OR2T8: variants seen among roughly 807,000 people sequenced by gnomAD.
OR2T8 encodes the protein olfactory receptor 2T8.
For missense variants in OR2T8, 161 were observed against 389.4 expected, an observed-to-expected ratio of 0.41 and a Z score of 4.94; for synonymous variants, 56 against 154.3, an observed-to-expected ratio of 0.36 and a Z score of 4.72.
rs919051457 is a variant in OR2T8, at chr1:247,922,751, T to C, written c.*795T>C. Among the ~76,000 whole-genome samples, 1 of 152,216 alleles carries C rather than the reference T, an allele frequency of 6.6e-6. No individual in the cohort carries two copies. The highest frequency in any genetic ancestry group is 1.5e-5 in the Non-Finnish European group (1 of 68,050). ...TATGTTAATCTCCTATTTGTAATCA[T>C]ATGTTTTTATTTTTCTTGGTAGGTG... is the stretch of plus-strand genomic sequence containing the variant. On this transcript the variant is annotated 3_prime_UTR_variant, in exon 2 of 2. Transcript: ENST00000641945.
In OR2T8 at chr1:247,921,829, TTG is replaced by T; in HGVS notation, c.816_817del (p.Ala274LeufsTer20). 1.2e-6 allele frequency: 2 copies of T among 1,612,522 alleles called. No homozygotes were observed. Among genetic ancestry groups the T allele is most frequent in the Non-Finnish European group, 1.7e-6 (2 of 1,179,560 alleles). On this transcript the variant is annotated frameshift_variant, in exon 2 of 2. Transcript: ENST00000641945. LOFTEE classifies it low-confidence loss of function (END_TRUNC). ...CACAGGTCCACTAACCACGACAAGG[TTG>T]TGTCAGCCTTCTATACTATGTTCAC...
chr1:247,920,943 T>C, intron 1 of OR2T8, 55 bp from the exon 2 acceptor site: 1 of 1,290,112 alleles, frequency 7.8e-7, no homozygotes, highest in Non-Finnish European at 1.1e-6. Flanking sequence ...ACTACGTAAC[T>C]CAAATGGAGT....
rs1158179396 is a variant in OR2T8, at chr1:247,922,846, A to AC, written c.*891dup. ...TCTTATACTGCCGCTGACAATGCAC[A>AC]CAAGTTCCTGTTGCTCCAAATGTCG... On this transcript the variant is annotated 3_prime_UTR_variant, in exon 2 of 2. Coordinates refer to ENST00000641945, the MANE Select transcript of OR2T8 (RefSeq NM_001005522.2). 2.6e-5 allele frequency among the ~76,000 whole-genome samples: 4 copies of AC among 152,212 alleles called. No individual in the cohort carries two copies. The highest frequency in any genetic ancestry group is 5.9e-5 in the Non-Finnish European group (4 of 68,024).
intron 1 of OR2T8, 140 bp from the exon 2 acceptor site, chr1:247,920,858 A>G: frequency 3.2e-6 from 2 of 621,122 alleles, no homozygotes; most frequent in Admixed American, 3.3e-5. Flanking sequence ...CACAAATTAG[A>G]ACATTTTGCA....
rs373532215 is a variant in OR2T8, at chr1:247,921,712, G to A, written c.695G>A (p.Arg232His). Reference protein sequence around the residue: ...AVLHMRSTEARKKAFATCSSH... With the variant: ...AVLHMRSTEAHKKAFATCSSH... ...CTGCACATGCGCTCTACAGAAGCCC[G>A]CAAGAAGGCCTTTGCCACCTGCTCT... The change falls in exon 2 of 2, where the codon CGC becomes CAC. Residue 232 changes from arginine (R) to histidine (H), a missense_variant. Arg to His is a conservative substitution (Grantham distance 29). Coordinates refer to ENST00000641945, the MANE Select transcript of OR2T8 (RefSeq NM_001005522.2). 3.2e-5 allele frequency: 51 copies of A among 1,573,162 alleles called. No homozygotes were observed. In the East Asian group the frequency reaches 7.0e-4, roughly 21 times the overall value.
In OR2T8 at chr1:247,923,135, G is replaced by A. The variant is rs78959848; in HGVS notation, c.*1179G>A. On this transcript the variant is annotated 3_prime_UTR_variant, in exon 2 of 2. Transcript: ENST00000641945. ...AATTTTGGAAATAAAATCATATATT[G>A]GGTTATTTTTTATTATATTTCCTGA... Among the ~76,000 whole-genome samples, 10,767 of 152,128 alleles carry A rather than the reference G, an allele frequency of 0.071. 1,208 individuals are homozygous for A. The highest frequency in any genetic ancestry group is 0.24 in the African/African-American group (10,083 of 41,444).
chr1:247,921,173 G>A lies in OR2T8; in HGVS notation c.156G>A (p.Arg52=). The change falls in exon 2 of 2, where the codon CGG becomes CGA. Residue 52 remains arginine, a synonymous_variant. Transcript: ENST00000641945. ...TTCTCCTGATTCACTGGGACCACCG[G>A]CTCCACACGCCCATGTACTTCCTCC... is the stretch of plus-strand genomic sequence containing the variant. The part of the protein sequence containing the change: ...LMILLIHWDH[R]LHTPMYFLLS... 1.3e-6 allele frequency: 2 copies of A among 1,579,594 alleles called. No individual in the cohort carries two copies. Among genetic ancestry groups the A allele is most frequent in the Non-Finnish European group, 1.7e-6 (2 of 1,165,078 alleles).
At chr1:247,920,957 A>G in intron 1 of OR2T8, 41 bp from the exon 2 acceptor site, 1 of 1,409,930 alleles carries the variant, frequency 7.1e-7, no homozygotes, top group African/African-American at 1.4e-5. Flanking sequence ...ATGGAGTACC[A>G]TAAAGGATAA....
In OR2T8 at chr1:247,922,901, A is replaced by C. The variant is rs531608135; in HGVS notation, c.*945A>C. ...TTTCTTCATTTTAGCAATTCTTCTG[A>C]GTGTAGTAGGAACTCAGTTTGCTTT... On this transcript the variant is annotated 3_prime_UTR_variant, in exon 2 of 2. Transcript: ENST00000641945. Among the ~76,000 whole-genome samples the C allele has an allele frequency of 6.6e-6, 1 of 152,228 alleles. No homozygotes were observed. The highest frequency in any genetic ancestry group is 2.4e-5 in the African/African-American group (1 of 41,538).
Position 247,922,099 on chromosome 1 carries a change from A to G in OR2T8, c.*143A>G, listed in dbSNP as rs1202665321. Reference sequence around the variant, plus strand: ...GTGTGTTGCTTTGAATTGCAGATGAATCTTCATTCCTCGGGTTCATTTACT... The same window carrying G: ...GTGTGTTGCTTTGAATTGCAGATGAGTCTTCATTCCTCGGGTTCATTTACT... On this transcript the variant is annotated 3_prime_UTR_variant, in exon 2 of 2. Transcript: ENST00000641945. The G allele has an allele frequency of 4.6e-6, 4 of 861,112 alleles. No individual in the cohort carries two copies. In the African/African-American group the frequency reaches 5.1e-5, roughly 11 times the overall value. The allele number at this position is 861,112 out of a possible 1,614,324, so 53.3% of individuals were successfully genotyped here.
Position 247,922,525 on chromosome 1 carries a change from T to C in OR2T8, c.*569T>C, listed in dbSNP as rs1226290582. Among the ~76,000 whole-genome samples, 3 of 152,198 alleles carry C rather than the reference T, an allele frequency of 2.0e-5. No individual in the cohort carries two copies. The highest frequency in any genetic ancestry group is 4.4e-5 in the Non-Finnish European group (3 of 68,028). On this transcript the variant is annotated 3_prime_UTR_variant, in exon 2 of 2. Coordinates refer to ENST00000641945, the MANE Select transcript of OR2T8 (RefSeq NM_001005522.2). Reference sequence around the variant, plus strand: ...AAAATTTCACATCAAAGGAAACAAATAGTATGGTCTTGAATCTTGTTTCCT... The same window carrying C: ...AAAATTTCACATCAAAGGAAACAAACAGTATGGTCTTGAATCTTGTTTCCT...
In OR2T8 at chr1:247,921,793, G is replaced by C; in HGVS notation, c.776G>C (p.Arg259Thr). The C allele has an allele frequency of 3.7e-6, 6 of 1,606,626 alleles. No individual in the cohort carries two copies. The highest frequency in any genetic ancestry group is 5.1e-6 in the Non-Finnish European group (6 of 1,177,058). ...GGAGCTGCCATTTTTACCTATATGA[G>C]ACCCAAATCCCACAGGTCCACTAAC... Reference protein sequence around the residue: ...FYGAAIFTYMRPKSHRSTNHD... With the variant: ...FYGAAIFTYMTPKSHRSTNHD... The change falls in exon 2 of 2, where the codon AGA becomes ACA. Residue 259 changes from arginine to threonine, a missense_variant. Transcript: ENST00000641945.
Position 247,922,086 on chromosome 1 carries a change from G to GAAT in OR2T8, c.*131_*133dup. The GAAT allele has an allele frequency of 1.1e-6, 1 of 941,578 alleles. No individual in the cohort carries two copies. Among genetic ancestry groups the GAAT allele is most frequent in the South Asian group, 1.7e-5 (1 of 57,512 alleles). The allele number at this position is 941,578 out of a possible 1,614,324, so 58.3% of individuals were successfully genotyped here. On this transcript the variant is annotated 3_prime_UTR_variant, in exon 2 of 2. Coordinates refer to ENST00000641945, the MANE Select transcript of OR2T8 (RefSeq NM_001005522.2). The stretch of plus-strand genomic sequence containing the variant: ...TGTGTGTGTGTTTGTGTGTTGCTTT[G>GAAT]AATTGCAGATGAATCTTCATTCCTC...
Position 247,922,567 on chromosome 1 carries a change from A to G in OR2T8, c.*611A>G, listed in dbSNP as rs900038303. ...TTGTTTCCTTCTTTCAGCTTAATGT[A>G]TTTCTAAAATCCCTCCACATTTTTA... On this transcript the variant is annotated 3_prime_UTR_variant, in exon 2 of 2. Coordinates refer to ENST00000641945, the MANE Select transcript of OR2T8 (RefSeq NM_001005522.2). Among the ~76,000 whole-genome samples the G allele has an allele frequency of 1.2e-4, 19 of 152,158 alleles. No homozygotes were observed. The highest frequency in any genetic ancestry group is 4.6e-4 in the African/African-American group (19 of 41,420).
Position 247,921,402 on chromosome 1 carries a change from C to T in OR2T8, c.385C>T (p.Arg129Ter), listed in dbSNP as rs1232198335. 12 of 1,093,214 alleles carry T rather than the reference C, an allele frequency of 1.1e-5. No homozygotes were observed. The highest frequency in any genetic ancestry group is 5.4e-5 in the East Asian group (2 of 37,072). The allele number at this position is 1,093,214 out of a possible 1,614,324, so 67.7% of individuals were successfully genotyped here. ...DRYAAVCHPL[R>*]YPTLMSWQLC... ...CTATGCGGCTGTCTGCCACCCACTC[C>T]GATATCCCACTCTCATGAGCTGGCA... is the stretch of plus-strand genomic sequence containing the variant. The change falls in exon 2 of 2, where the codon CGA (arginine) becomes TGA (stop). Residue 129 changes from arginine (R) to a stop codon, truncating the protein, a stop_gained. Transcript: ENST00000641945. LOFTEE classifies it low-confidence loss of function (END_TRUNC).
Position 247,922,047 on chromosome 1 carries a change from C to A in OR2T8, c.*91C>A. 4.7e-6 allele frequency: 6 copies of A among 1,287,104 alleles called. No homozygotes were observed. Among genetic ancestry groups the A allele is most frequent in the Non-Finnish European group, 6.5e-6 (6 of 921,936 alleles). 79.7% of individuals were successfully genotyped at this position (1,287,104 alleles called of 1,614,324 possible). A position where few individuals can be genotyped will look rare whatever the true frequency, so the allele number is the denominator to read the frequency against. On this transcript the variant is annotated 3_prime_UTR_variant, in exon 2 of 2. Coordinates refer to ENST00000641945, the MANE Select transcript of OR2T8 (RefSeq NM_001005522.2). ...GGAATATACACTTTTATTTCTACAT[C>A]TGTTGTCTCTGTGTGTGTGTGTGTT... is the stretch of plus-strand genomic sequence containing the variant.
rs941607161 is a variant in OR2T8, at chr1:247,920,319, A to T, written c.-220A>T. On this transcript the variant is annotated 5_prime_UTR_variant, in exon 1 of 2. The change creates a new upstream start codon in the 5' untranslated region. Transcript: ENST00000641945. ...TTACCATTATACTCTTACACTGCAA[A>T]GAAATAAAAAATATCCAAGAAGGTC... is the stretch of plus-strand genomic sequence containing the variant. 5 of 152,280 alleles carry T rather than the reference A, an allele frequency of 3.3e-5. No homozygotes were observed. Among genetic ancestry groups the T allele is most frequent in the African/African-American group, 1.2e-4 (5 of 41,470 alleles). The allele number at this position is 152,280 out of a possible 1,614,324, so 9.4% of individuals were successfully genotyped here. A position where few individuals can be genotyped will look rare whatever the true frequency, so the allele number is the denominator to read the frequency against.
chr1:247,921,091 T>C lies in OR2T8; in HGVS notation c.74T>C (p.Leu25Pro). The change falls in exon 2 of 2, where the codon CTC becomes CCC. Residue 25 changes from leucine (L) to proline (P), a missense_variant. Transcript: ENST00000641945. The part of the protein sequence containing the change: ...LFNHTRAHQV[L>P]FMMVLSIVLT... Reference sequence around the variant, plus strand: ...AACCACACCAGAGCCCACCAAGTCCTCTTCATGATGGTTCTGAGTATCGTT... The same window carrying C: ...AACCACACCAGAGCCCACCAAGTCCCCTTCATGATGGTTCTGAGTATCGTT... 6.2e-7 allele frequency: 1 copy of C among 1,611,800 alleles called. No homozygotes were observed. Among genetic ancestry groups the C allele is most frequent in the Non-Finnish European group, 8.5e-7 (1 of 1,178,916 alleles).
At position 247,920,356 on chromosome 1, in the gene OR2T8, C is replaced by T. The variant is rs1267799178; in HGVS notation, c.-183C>T. ...TATCCAAGAAGGTCAGTACTGTTTTCAGTCTATCACCTATAAAGGAGGACT... is the reference window on the plus strand; with the variant it reads ...TATCCAAGAAGGTCAGTACTGTTTTTAGTCTATCACCTATAAAGGAGGACT... On this transcript the variant is annotated 5_prime_UTR_variant, in exon 1 of 2. Transcript: ENST00000641945. 1 of 152,418 alleles carries T rather than the reference C, an allele frequency of 6.6e-6. No homozygotes were observed. Among genetic ancestry groups the T allele is most frequent in the African/African-American group, 2.4e-5 (1 of 41,456 alleles). The allele number at this position is 152,418 out of a possible 1,614,324, so 9.4% of individuals were successfully genotyped here.
Sources: gnomAD v4.1 joint callset for allele counts (sites outside exome capture counted in the v4.1 genomes callset) on GRCh38, gnomAD v4.1.1 for gene constraint, MANE v1.5 for transcripts, NCBI Gene and HGNC (gene_info 2026-07-23, HGNC 2026-07-21) for gene names.